Variants in PCDH9 observed in about 807,000 individuals in gnomAD.
The protein encoded by PCDH9 is protocadherin 9, also known as protocadherin-9.
A neutral mutation model predicts 70.6 loss-of-function variants in PCDH9; 24 were observed. That is an observed-to-expected ratio of 0.34 (90% CI 0.25 to 0.48). The LOEUF (loss-of-function observed/expected upper bound fraction) is 0.48, where lower values mean the gene tolerates loss of function less well. Ranked by LOEUF, PCDH9 falls within the 20% of genes least tolerant of loss-of-function variation. The pLI is 0.99. For missense variants in PCDH9, 1,281 were observed against 1,503.6 expected (o/e 0.85, Z 2.45); for synonymous variants, 562 against 558.5 (o/e 1.01, Z -0.09).
chr13:66,753,012 C>A (rs1488829569), intron 3 of PCDH9, among the ~76,000 whole-genome samples: 1 of 151,990 alleles, frequency 6.6e-6, no homozygotes, highest in Non-Finnish European at 1.5e-5. Context: ...AGTTTCAGCC[C>A]AAGAGACAAA....
chr13:66,942,385 T>C (rs1725485508), intron 2 of PCDH9, among the ~76,000 whole-genome samples: 1 of 151,844 alleles, frequency 6.6e-6, no homozygotes, highest in South Asian at 2.1e-4. Flanking sequence ...CTTTGATGAA[T>C]AGATGAATTC....
intron 4 of PCDH9, among the ~76,000 whole-genome samples, chr13:66,516,034 G>T (rs1322656625): frequency 2.0e-5 from 3 of 151,964 alleles, no homozygotes; most frequent in Non-Finnish European, 4.4e-5. Flanking sequence ...TATTTTCAGA[G>T]TTTTTTCTTA....
At chr13:66,941,735 A>G (rs2083009565) in intron 2 of PCDH9, among the ~76,000 whole-genome samples, 1 of 151,982 alleles carries the variant, frequency 6.6e-6, no homozygotes, top group Non-Finnish European at 1.5e-5. Flanking sequence ...CATAGTTTCA[A>G]TATACATGAA....
At chr13:66,857,479 T>C (rs2139470765) in intron 3 of PCDH9, among the ~76,000 whole-genome samples, 1 of 152,234 alleles carries the variant, frequency 6.6e-6, no homozygotes, top group South Asian at 2.1e-4. Context: ...GAAAGCAGTC[T>C]ATGAAAATGT....
intron 2 of PCDH9, among the ~76,000 whole-genome samples, chr13:67,168,931 G>A (rs1470142422): frequency 1.3e-5 from 2 of 152,148 alleles, no homozygotes; most frequent in Non-Finnish European, 2.9e-5. Context: ...TTATGAGTAA[G>A]TCTGGACTCA....
chr13:66,657,063 G>A (rs79025383), intron 3 of PCDH9, among the ~76,000 whole-genome samples: 2,929 of 152,242 alleles, frequency 0.019, 105 homozygotes, highest in African/African-American at 0.067. Flanking sequence ...TAATTACACC[G>A]ATTTGCCTAG....
rs188350015 is a variant in PCDH9 at position 66,637,440 on chromosome 13, A to C, written c.3139-6029T>G. Among the ~76,000 whole-genome samples, 59 of 152,296 alleles carry C rather than the reference A, an allele frequency of 3.9e-4. 1 individual carries two copies. Among genetic ancestry groups the C allele is most frequent in the African/African-American group, 1.3e-3 (53 of 41,558 alleles). ...GTTTTGACAGATAAAATTATAAAGC[A>C]CTTTTCTAGTGGTAATAAATAAAAT... On this transcript the variant is annotated intron_variant, in intron 3 of 4. Transcript: ENST00000377865.
At chr13:66,459,573 A>C (rs1345609837) in intron 4 of PCDH9, among the ~76,000 whole-genome samples, 1 of 151,938 alleles carries the variant, frequency 6.6e-6, no homozygotes, top group Non-Finnish European at 1.5e-5. Flanking sequence ...CACAAAACAG[A>C]TGACAACTAC....
intron 2 of PCDH9, among the ~76,000 whole-genome samples, chr13:66,985,251 A>G (rs2083866827): frequency 6.6e-6 from 1 of 152,138 alleles, no homozygotes; most frequent in South Asian, 2.1e-4. Context: ...CAGTGCCAAG[A>G]TCAATCCCTG....
chr13:66,858,985 C>T (rs1225196067), intron 3 of PCDH9: 4 of 152,078 alleles, frequency 2.6e-5, no homozygotes, highest in Non-Finnish European at 5.9e-5. Flanking sequence ...TAATATTTTA[C>T]AGTAATTATT....
At chr13:66,981,961 C>T (rs1468441124) in intron 2 of PCDH9, among the ~76,000 whole-genome samples, 2 of 152,076 alleles carry the variant, frequency 1.3e-5, no homozygotes, top group East Asian at 3.9e-4. Context: ...GGTCCCCCGC[C>T]CAAATCTCAT....
chr13:67,203,900 T>C (rs774090640), intron 2 of PCDH9: 1 of 151,904 alleles, frequency 6.6e-6, no homozygotes. Context: ...TAGTAGAAAA[T>C]GTTGCCATAA....
chr13:66,894,666 A>G (rs576067588), intron 3 of PCDH9, among the ~76,000 whole-genome samples: 1 of 152,278 alleles, frequency 6.6e-6, no homozygotes, highest in South Asian at 2.1e-4. Flanking sequence ...ATAGAGCATG[A>G]TAATATTACT....
chr13:67,221,259 T>C (rs1336161803), intron 2 of PCDH9: 1 of 152,138 alleles, frequency 6.6e-6, no homozygotes, highest in Non-Finnish European at 1.5e-5. Context: ...CTAGCTGTTC[T>C]AAATATCAAT....
chr13:66,408,073 A>T, intron 4 of PCDH9, among the ~76,000 whole-genome samples: 1 of 135,602 alleles, frequency 7.4e-6, no homozygotes, highest in East Asian at 2.2e-4. Context: ...TTTTTTTGAG[A>T]CGGAGTCTCG....
rs1228376400 is a variant in PCDH9 at position 66,863,762 on chromosome 13, A to T, written c.3138+39742T>A. 3.9e-5 allele frequency among the ~76,000 whole-genome samples: 6 copies of T among 152,140 alleles called. No homozygotes were observed. The East Asian group carries it at 9.7e-4, about 25-fold the overall frequency. On this transcript the variant is annotated intron_variant, in intron 3 of 4. Coordinates refer to ENST00000377865, the MANE Select transcript of PCDH9 (RefSeq NM_203487.3). ...GATCTGCCTCACAAAGTGAATACCA[A>T]TTTTTTTAATGTAACTTTATGAACT...
intron 4 of PCDH9, among the ~76,000 whole-genome samples, chr13:66,319,118 T>C (rs1955705636): frequency 6.6e-6 from 1 of 152,098 alleles, no homozygotes. Flanking sequence ...GCAAGGGGAA[T>C]CAAGGACCTT....
chr13:66,973,427 G>A (rs2083559723), intron 2 of PCDH9, among the ~76,000 whole-genome samples: 1 of 151,846 alleles, frequency 6.6e-6, no homozygotes, highest in Non-Finnish European at 1.5e-5. Flanking sequence ...ATGCTCATGA[G>A]ACTAGACAGA....
At chr13:66,677,108 A>T (rs1343903064) in intron 3 of PCDH9, among the ~76,000 whole-genome samples, 1 of 152,130 alleles carries the variant, frequency 6.6e-6, no homozygotes, top group African/African-American at 2.4e-5. Flanking sequence ...GTGTGTAGCC[A>T]TCAGAGTACC....
Sources: allele counts gnomAD v4.1 joint callset (sites outside exome capture counted in the v4.1 genomes callset), GRCh38; gene constraint gnomAD v4.1.1; transcripts MANE v1.5; gene names NCBI Gene and HGNC (gene_info 2026-07-23, HGNC 2026-07-21).